Variants in MYT1L observed in about 807,000 individuals in gnomAD.
MYT1L encodes the protein myelin transcription factor 1 like.
Under a neutral mutation model 126.7 loss-of-function variants are expected in MYT1L, and 12 were observed. That is an observed-to-expected ratio of 0.09 (90% CI 0.06 to 0.15). The LOEUF (loss-of-function observed/expected upper bound fraction) is 0.15, where lower values mean the gene tolerates loss of function less well. Ranked by LOEUF, MYT1L falls within the 10% of genes least tolerant of loss-of-function variation. The pLI is 1.00. For missense variants in MYT1L, 979 were observed against 1,585.2 expected (o/e 0.62, Z 6.49); for synonymous variants, 541 against 604.2 (o/e 0.90, Z 1.53).
chr2:1,889,592 C>T lies in MYT1L; in HGVS notation c.2284-115G>A, dbSNP rs760213373. ...CCAGTGTAGCGTTCAACACAGAATC[C>T]CTCGCTGCTGTTTCCTTGGCCTAAA... On this transcript the variant is annotated intron_variant, in intron 15 of 24. Transcript: ENST00000647738. This position sits in a 1 kb window ranked among gnomAD's most constrained non-coding sequence, Gnocchi z 4.1. 7.9e-6 allele frequency: 6 copies of T among 759,330 alleles called. No individual in the cohort carries two copies. Among genetic ancestry groups the T allele is most frequent in the African/African-American group, 3.5e-5 (2 of 56,824 alleles). The allele number at this position is 759,330 out of a possible 1,614,324, so 47.0% of individuals were successfully genotyped here.
chr2:2,313,383 G>C (rs370626163), intron 1 of MYT1L, among the ~76,000 whole-genome samples: 12 of 152,280 alleles, frequency 7.9e-5, no homozygotes, highest in African/African-American at 2.9e-4. Flanking sequence ...AGGGCTTCAG[G>C]AGTCAGTCTC....
intron 3 of MYT1L, among the ~76,000 whole-genome samples, chr2:2,167,367 C>CT (rs1285354163): frequency 6.6e-6 from 1 of 152,156 alleles, no homozygotes; most frequent in African/African-American, 2.4e-5. Flanking sequence ...GTAAGCCCAC[C>CT]ACACACACCT....
At chr2:1,853,300 C>T (rs1179037653) in intron 18 of MYT1L, among the ~76,000 whole-genome samples, 2 of 152,180 alleles carry the variant, frequency 1.3e-5, no homozygotes, top group African/African-American at 4.8e-5. Flanking sequence ...GAGTTTGGGG[C>T]AGAACAGTGA....
Position 1,851,635 on chromosome 2 carries a change from A to G in MYT1L, c.2774+6T>C. ...TTTTGGAGAGAAGAGTAGCATCTCTACATACCTCCGATGAGAAGCATAATT... is the reference window on the plus strand; with the variant it reads ...TTTTGGAGAGAAGAGTAGCATCTCTGCATACCTCCGATGAGAAGCATAATT... On this transcript the variant is annotated splice_donor_region_variant and intron_variant, in intron 19 of 24. Coordinates refer to ENST00000647738, the MANE Select transcript of MYT1L (RefSeq NM_001303052.2). 6.2e-7 allele frequency: 1 copy of G among 1,612,292 alleles called. No individual in the cohort carries two copies. The highest frequency in any genetic ancestry group is 8.5e-7 in the Non-Finnish European group (1 of 1,178,396).
chr2:1,936,148 C>G (rs1292765715), intron 9 of MYT1L, among the ~76,000 whole-genome samples: 1 of 152,160 alleles, frequency 6.6e-6, no homozygotes, highest in African/African-American at 2.4e-5. Context: ...GTCTCAAACT[C>G]CTGACCTCAG....
At chr2:2,087,145 G>A (rs1337092551) in intron 3 of MYT1L, among the ~76,000 whole-genome samples, 3 of 152,138 alleles carry the variant, frequency 2.0e-5, no homozygotes, top group Non-Finnish European at 4.4e-5. Flanking sequence ...TTTATCATCC[G>A]CCTGCCGCTG....
intron 2 of MYT1L, among the ~76,000 whole-genome samples, chr2:2,213,417 C>G (rs2093589817): frequency 6.6e-6 from 1 of 152,078 alleles, no homozygotes; most frequent in African/African-American, 2.4e-5. Flanking sequence ...TGGGGGTGCA[C>G]AGAGGGTCCC....
chr2:2,145,932 C>G (rs2084810981), intron 3 of MYT1L, among the ~76,000 whole-genome samples: 1 of 152,152 alleles, frequency 6.6e-6, no homozygotes. Flanking sequence ...GACTTCTATC[C>G]TTTCTGCTTA....
chr2:2,032,195 A>G (rs2066391117), intron 4 of MYT1L, among the ~76,000 whole-genome samples: 1 of 83,034 alleles, frequency 1.2e-5, no homozygotes, highest in Non-Finnish European at 2.3e-5. Context: ...TGTGGCCCAG[A>G]GCAGATTCTA....
intron 4 of MYT1L, among the ~76,000 whole-genome samples, chr2:2,026,673 G>A (rs980320453): frequency 2.6e-5 from 4 of 152,108 alleles, no homozygotes; most frequent in Non-Finnish European, 4.4e-5. Flanking sequence ...TGCCCAGTGC[G>A]GCCTCTGCCT....
chr2:1,836,210 T>G (rs2040851738), intron 21 of MYT1L, among the ~76,000 whole-genome samples: 3 of 152,080 alleles, frequency 2.0e-5, no homozygotes, highest in African/African-American at 7.2e-5. Flanking sequence ...TGGCCCAAGA[T>G]TCCAACAGCC....
chr2:2,275,683 T>G (rs546928674), intron 2 of MYT1L, among the ~76,000 whole-genome samples: 1 of 152,316 alleles, frequency 6.6e-6, no homozygotes, highest in African/African-American at 2.4e-5. Context: ...ACCTTTCATT[T>G]CAATATGTAC....
intron 1 of MYT1L, among the ~76,000 whole-genome samples, chr2:2,287,562 A>G (rs1414336817): frequency 6.6e-6 from 1 of 152,180 alleles, no homozygotes; most frequent in African/African-American, 2.4e-5. Context: ...TTTACTGAAG[A>G]TGGGAAAGTG....
intron 3 of MYT1L, among the ~76,000 whole-genome samples, chr2:2,158,618 AACACAC>A (rs74164556): frequency 2.4e-4 from 34 of 144,372 alleles, no homozygotes; most frequent in East Asian, 1.0e-3. Context: ...CCATGGCATA[AACACAC>A]ACACACACAC....
At chr2:2,195,278 A>C (rs919731925) in intron 2 of MYT1L, among the ~76,000 whole-genome samples, 10 of 152,210 alleles carry the variant, frequency 6.6e-5, no homozygotes, top group Non-Finnish European at 4.4e-5. Flanking sequence ...TGGCCTCCTG[A>C]GAGGGAAGCT....
At chr2:2,229,656 C>A (rs1289443835) in intron 2 of MYT1L, among the ~76,000 whole-genome samples, 1 of 151,872 alleles carries the variant, frequency 6.6e-6, no homozygotes, top group East Asian at 1.9e-4. Context: ...TGGTCTTGAA[C>A]TCCTGGGCTC....
intron 5 of MYT1L, among the ~76,000 whole-genome samples, chr2:1,991,306 CT>C (rs2061438131): frequency 6.6e-6 from 1 of 152,058 alleles, no homozygotes; most frequent in African/African-American, 2.4e-5. Flanking sequence ...CTCGCTGTAT[CT>C]TTTTCTTTTC....
At chr2:2,029,712 T>C (rs185402014) in intron 4 of MYT1L, among the ~76,000 whole-genome samples, 2 of 152,328 alleles carry the variant, frequency 1.3e-5, no homozygotes, top group Non-Finnish European at 1.5e-5. Context: ...CATACAATAA[T>C]CCAGGTTGTA....
chr2:2,297,876 G>A (rs552886096), intron 1 of MYT1L, among the ~76,000 whole-genome samples: 1 of 152,290 alleles, frequency 6.6e-6, no homozygotes, highest in Non-Finnish European at 1.5e-5. Context: ...CACAAAAGGG[G>A]ATATTGAGGA....
Sources: allele counts gnomAD v4.1 joint callset (sites outside exome capture counted in the v4.1 genomes callset), GRCh38; gene constraint gnomAD v4.1.1; non-coding constraint Gnocchi (gnomAD v3.1); transcripts MANE v1.5; gene names NCBI Gene and HGNC (gene_info 2026-07-23, HGNC 2026-07-21).